Variants in STX8 observed in about 807,000 individuals in gnomAD.
STX8 encodes the protein syntaxin 8, also known as syntaxin-8.
A neutral mutation model predicts 37.5 loss-of-function variants in STX8; 23 were observed. The observed-to-expected ratio is 0.61, with a 90% CI of 0.44 to 0.87. STX8 has a LOEUF of 0.87. Ranked by LOEUF, STX8 falls within the 40% of genes least tolerant of loss-of-function variation. The probability of loss-of-function intolerance (pLI) is 0.00; values close to 1 mark genes in which losing one functional copy is unlikely to be tolerated. For missense variants in STX8, 313 were observed against 284.7 expected (o/e 1.10, Z -0.71); for synonymous variants, 115 against 99.1 (o/e 1.16, Z -0.95).
At chr17:9,370,363 T>C (rs1181809267) in intron 7 of STX8, among the ~76,000 whole-genome samples, 1 of 151,952 alleles carries the variant, frequency 6.6e-6, no homozygotes, top group Non-Finnish European at 1.5e-5. Context: ...CCTTTTAGAG[T>C]GAAGGGAACT....
intron 7 of STX8, among the ~76,000 whole-genome samples, chr17:9,333,555 TA>T (rs1347913795): frequency 1.3e-5 from 2 of 151,674 alleles, no homozygotes; most frequent in African/African-American, 2.4e-5. Flanking sequence ...GCCCAGCTAA[TA>T]TTTTGTATTT....
At chr17:9,573,389 GATA>G (rs1907762229) in intron 1 of STX8, among the ~76,000 whole-genome samples, 1 of 152,048 alleles carries the variant, frequency 6.6e-6, no homozygotes, top group South Asian at 2.1e-4. Flanking sequence ...CGTTTCTATT[GATA>G]ATAACTCAAC....
intron 4 of STX8, among the ~76,000 whole-genome samples, chr17:9,509,039 G>A (rs896148788): frequency 5.3e-5 from 8 of 152,164 alleles, no homozygotes; most frequent in Admixed American, 3.3e-4. Context: ...ACGATGTCAG[G>A]AGTTCAAGAC....
At chr17:9,538,004 T>C (rs1259550697) in intron 4 of STX8, among the ~76,000 whole-genome samples, 1 of 152,226 alleles carries the variant, frequency 6.6e-6, no homozygotes, top group Non-Finnish European at 1.5e-5. Flanking sequence ...TATCAGTGTA[T>C]AGCACATAGT....
chr17:9,253,410 T>C (rs746886921), intron 7 of STX8, among the ~76,000 whole-genome samples: 2 of 152,032 alleles, frequency 1.3e-5, no homozygotes, highest in Non-Finnish European at 2.9e-5. Flanking sequence ...GACCAAAAGC[T>C]CCCCTGGGCA....
intron 4 of STX8, among the ~76,000 whole-genome samples, chr17:9,506,830 G>T (rs1904856575): frequency 6.6e-6 from 1 of 152,042 alleles, no homozygotes; most frequent in Non-Finnish European, 1.5e-5. Flanking sequence ...AGTTACTACA[G>T]CATGGCGCCA....
intron 1 of STX8, among the ~76,000 whole-genome samples, chr17:9,570,151 T>C (rs137952322): frequency 1.4e-4 from 21 of 152,266 alleles, no homozygotes; most frequent in African/African-American, 5.1e-4. Flanking sequence ...AATATATTTT[T>C]TAAAACCTTT....
chr17:9,494,925 C>T (rs779279843), intron 5 of STX8, among the ~76,000 whole-genome samples: 5 of 151,944 alleles, frequency 3.3e-5, no homozygotes, highest in African/African-American at 7.3e-5. Context: ...CGGAACACGC[C>T]GCATGAAGGT....
At chr17:9,425,401 T>C (rs971546833) in intron 6 of STX8, among the ~76,000 whole-genome samples, 2 of 152,184 alleles carry the variant, frequency 1.3e-5, no homozygotes, top group Non-Finnish European at 2.9e-5. Flanking sequence ...TTATAAATTA[T>C]GTATACTGTT....
intron 7 of STX8, 135 bp downstream of exon 7, chr17:9,378,417 G>C: frequency 1.4e-6 from 1 of 699,048 alleles, no homozygotes. Context: ...AGCAATTTCA[G>C]TGCTTCATCA....
intron 6 of STX8, among the ~76,000 whole-genome samples, chr17:9,414,849 G>A (rs1165055933): frequency 7.0e-6 from 1 of 143,286 alleles, no homozygotes; most frequent in Non-Finnish European, 1.5e-5. Context: ...GGAGTGCAGT[G>A]GCACCATCTT....
chr17:9,494,002 TG>T (rs781742039), intron 5 of STX8, among the ~76,000 whole-genome samples: 8 of 51,402 alleles, frequency 1.6e-4, no homozygotes, highest in South Asian at 6.5e-4. Flanking sequence ...TGTTTTTTTT[TG>T]TTTTGTTTTT....
chr17:9,288,451 A>G (rs941302378), intron 7 of STX8, among the ~76,000 whole-genome samples: 3 of 151,648 alleles, frequency 2.0e-5, no homozygotes, highest in Non-Finnish European at 2.9e-5. Context: ...CACGAGATCA[A>G]GAGATCGAGA....
chr17:9,322,350 CT>C (rs145884674), intron 7 of STX8, among the ~76,000 whole-genome samples: 6,857 of 152,298 alleles, frequency 0.045, 499 homozygotes, highest in African/African-American at 0.15. Context: ...TGATATTTTC[CT>C]TTTGAAAGCA....
At chr17:9,516,210 G>GC (rs1194264664) in intron 4 of STX8, among the ~76,000 whole-genome samples, 6 of 149,402 alleles carry the variant, frequency 4.0e-5, no homozygotes, top group Non-Finnish European at 8.9e-5. Flanking sequence ...GAGCCCTAGT[G>GC]CATGCTTTTA....
At chr17:9,450,052 G>A (rs1161172561) in intron 6 of STX8, among the ~76,000 whole-genome samples, 1 of 143,178 alleles carries the variant, frequency 7.0e-6, no homozygotes, top group Non-Finnish European at 1.5e-5. Flanking sequence ...TCATTAAATT[G>A]TTCATAAAAA....
chr17:9,535,424 CTTTT>C (rs35962202), intron 4 of STX8, among the ~76,000 whole-genome samples: 139 of 51,546 alleles, frequency 2.7e-3, no homozygotes, highest in African/African-American at 4.0e-3. Context: ...AGCCATCCTA[CTTTT>C]TTTTTTTTTT....
At chr17:9,451,129 C>T (rs958370938) in intron 6 of STX8, among the ~76,000 whole-genome samples, 7 of 152,040 alleles carry the variant, frequency 4.6e-5, no homozygotes, top group African/African-American at 1.7e-4. Flanking sequence ...TTATACCGTC[C>T]CTCCCTTCCA....
intron 4 of STX8, among the ~76,000 whole-genome samples, chr17:9,522,105 T>G (rs1041971524): frequency 2.0e-5 from 3 of 152,132 alleles, no homozygotes; most frequent in Non-Finnish European, 4.4e-5. Flanking sequence ...ACAGGCCATC[T>G]TAAGCAAAAA....
Sources: allele counts gnomAD v4.1 joint callset (sites outside exome capture counted in the v4.1 genomes callset), GRCh38; gene constraint gnomAD v4.1.1; transcripts MANE v1.5; gene names NCBI Gene and HGNC (gene_info 2026-07-23, HGNC 2026-07-21).